CDYL: variants seen among roughly 807,000 people sequenced by gnomAD.
The protein encoded by CDYL is chromodomain Y-like protein.
A neutral mutation model predicts 47.3 loss-of-function variants in CDYL; 8 were observed. The ratio of observed to expected loss-of-function variants is 0.17; its 90% CI spans 0.10 to 0.31. The LOEUF (loss-of-function observed/expected upper bound fraction) is 0.31. Among genes scored for constraint, CDYL ranks in the 10% least tolerant of loss-of-function variants. CDYL has a pLI of 1.00. For missense variants in CDYL, 471 were observed against 701.4 expected, an observed-to-expected ratio of 0.67 and a Z score of 3.71; for synonymous variants, 266 against 265.0, an observed-to-expected ratio of 1.00 and a Z score of -0.04.
rs141452228 is a variant in CDYL at position 4,898,102 on chromosome 6, G to A, written c.691+5723G>A. Among the ~76,000 whole-genome samples, 98 of 152,118 alleles carry A rather than the reference G, an allele frequency of 6.4e-4. 1 individual carries two copies. The highest frequency in any genetic ancestry group is 2.2e-3 in the African/African-American group (92 of 41,492). On this transcript the variant is annotated intron_variant, in intron 2 of 6. Coordinates refer to ENST00000397588, the MANE Select transcript of CDYL (RefSeq NM_004824.4). ...GCATGGTGACTACATGCCCCCTGTA[G>A]TCCCAGCTACTTAAGAGGCTGAGGT...
chr6:4,917,582 C>G (rs1185221709), intron 2 of CDYL, among the ~76,000 whole-genome samples: 1 of 152,186 alleles, frequency 6.6e-6, no homozygotes, highest in African/African-American at 2.4e-5. Context: ...TTTCTCTAAT[C>G]TCCGATTTAC....
At chr6:4,932,196 G>A (rs1341296303) in intron 2 of CDYL, among the ~76,000 whole-genome samples, 2 of 152,192 alleles carry the variant, frequency 1.3e-5, no homozygotes, top group African/African-American at 2.4e-5. Context: ...CATCAACTGG[G>A]TGGCTTGTAA....
intron 3 of CDYL, among the ~76,000 whole-genome samples, chr6:4,757,125 G>C (rs1163909324): frequency 6.6e-6 from 1 of 152,076 alleles, no homozygotes; most frequent in African/African-American, 2.4e-5. Context: ...AAAGTTTGTT[G>C]GATATTTCTG....
intron 1 of CDYL, among the ~76,000 whole-genome samples, chr6:4,848,178 T>C (rs1760716852): frequency 6.6e-6 from 1 of 152,078 alleles, no homozygotes; most frequent in Admixed American, 6.6e-5. Flanking sequence ...TAAGGCAGGG[T>C]ATTTTTGGGA....
At chr6:4,797,501 A>G (rs1759106906) in intron 1 of CDYL, among the ~76,000 whole-genome samples, 1 of 147,028 alleles carries the variant, frequency 6.8e-6, no homozygotes, top group South Asian at 2.1e-4. Context: ...ACTGGTTTTT[A>G]GTGTATTCAC....
At chr6:4,742,740 C>T (rs2127417450) in intron 3 of CDYL, among the ~76,000 whole-genome samples, 1 of 152,350 alleles carries the variant, frequency 6.6e-6, no homozygotes, top group East Asian at 1.9e-4. Context: ...TTGTCCATTG[C>T]CCCCATGGCC....
At chr6:4,794,723 C>T (rs1279106466) in intron 1 of CDYL, among the ~76,000 whole-genome samples, 2 of 152,066 alleles carry the variant, frequency 1.3e-5, no homozygotes, top group African/African-American at 4.8e-5. Context: ...TTGTTATGAA[C>T]CTTTTGAAAG....
chr6:4,800,146 T>C (rs1475431437), intron 1 of CDYL, among the ~76,000 whole-genome samples: 1 of 152,148 alleles, frequency 6.6e-6, no homozygotes, highest in African/African-American at 2.4e-5. Context: ...TCCATTTACA[T>C]TTAAAGTAAT....
intron 1 of CDYL, among the ~76,000 whole-genome samples, chr6:4,826,368 T>G (rs1367878765): frequency 5.3e-5 from 8 of 152,216 alleles, no homozygotes; most frequent in African/African-American, 1.9e-4. Flanking sequence ...CCGTAATCTT[T>G]ATTATTTTCA....
intron 3 of CDYL, among the ~76,000 whole-genome samples, chr6:4,771,182 C>T (rs1290227593): frequency 1.3e-5 from 2 of 151,908 alleles, no homozygotes; most frequent in East Asian, 1.9e-4. Context: ...GGTGCTATCT[C>T]GGGTCCTTGC....
At chr6:4,953,464 T>C (rs1758770348) in intron 6 of CDYL, among the ~76,000 whole-genome samples, 1 of 152,106 alleles carries the variant, frequency 6.6e-6, no homozygotes, top group Non-Finnish European at 1.5e-5. Flanking sequence ...ATGTGAAATG[T>C]ATAATATTAA....
intron 2 of CDYL, among the ~76,000 whole-genome samples, chr6:4,719,183 T>A (rs1421470849): frequency 6.6e-6 from 1 of 152,056 alleles, no homozygotes; most frequent in Admixed American, 6.6e-5. Flanking sequence ...CCTTGGCCTC[T>A]CAAAGTGCTG....
rs1350270209 is a variant in CDYL, at chr6:4,954,108, C to G, written c.*52C>G. ...GGGATCGGGCTGAGCAGGAGAACAT[C>G]ACCGGCTCCAGTTCCCCTGATCCAT... On this transcript the variant is annotated 3_prime_UTR_variant, in exon 7 of 7. Transcript: ENST00000397588. 1 of 1,562,338 alleles carries G rather than the reference C, an allele frequency of 6.4e-7. No homozygotes were observed. The highest frequency in any genetic ancestry group is 1.2e-5 in the South Asian group (1 of 82,918).
chr6:4,925,409 CTTTTTTTTT>C (rs58457972), intron 2 of CDYL, among the ~76,000 whole-genome samples: 4 of 109,246 alleles, frequency 3.7e-5, no homozygotes, highest in Admixed American at 1.2e-4. Flanking sequence ...ATTCTTTTTT[CTTTTTTTTT>C]TTTTTTTTTT....
At chr6:4,737,391 G>A (rs528836985) in intron 3 of CDYL, among the ~76,000 whole-genome samples, 5 of 152,016 alleles carry the variant, frequency 3.3e-5, no homozygotes, top group Admixed American at 1.3e-4. Flanking sequence ...AGTGGCTCAC[G>A]CCTGTAATCC....
intron 1 of CDYL, among the ~76,000 whole-genome samples, chr6:4,859,644 GT>G (rs1246242543): frequency 4.6e-5 from 7 of 152,210 alleles, no homozygotes; most frequent in Non-Finnish European, 4.4e-5. Context: ...ACTTGCTAAA[GT>G]TTTAGGGACT....
At chr6:4,738,050 G>C (rs146677086) in intron 3 of CDYL, among the ~76,000 whole-genome samples, 1 of 152,280 alleles carries the variant, frequency 6.6e-6, no homozygotes, top group East Asian at 1.9e-4. Context: ...AGAAAAAAAT[G>C]AGTAAATGAT....
intron 2 of CDYL, among the ~76,000 whole-genome samples, chr6:4,725,087 A>G (rs540650451): frequency 1.3e-5 from 2 of 152,308 alleles, no homozygotes; most frequent in African/African-American, 2.4e-5. Flanking sequence ...AGCTAGACAC[A>G]GAGTGTCGAT....
At chr6:4,837,362 A>T (rs546082127) in intron 1 of CDYL, among the ~76,000 whole-genome samples, 14 of 152,226 alleles carry the variant, frequency 9.2e-5, no homozygotes, top group African/African-American at 1.9e-4. Flanking sequence ...TAGTTTTATT[A>T]AAAAAATTTT....
Sources: allele counts gnomAD v4.1 joint callset (sites outside exome capture counted in the v4.1 genomes callset), GRCh38; gene constraint gnomAD v4.1.1; transcripts MANE v1.5; gene names NCBI Gene and HGNC (gene_info 2026-07-23, HGNC 2026-07-21).